BORCS5: variants seen among roughly 807,000 people sequenced by gnomAD.
BORCS5 encodes the protein BLOC-1-related complex subunit 5.
Under a neutral mutation model 22.1 loss-of-function variants are expected in BORCS5, and 17 were observed. That is an observed-to-expected ratio of 0.77 (90% CI 0.53 to 1.15). The LOEUF is 1.15. Ranked by LOEUF, BORCS5 falls within the 50% of genes most tolerant of loss-of-function variation. The pLI, the probability that BORCS5 is intolerant of heterozygous loss-of-function variation, is 0.00. For missense variants in BORCS5, 247 were observed against 253.2 expected, an observed-to-expected ratio of 0.98 and a Z score of 0.17; for synonymous variants, 117 against 99.8, an observed-to-expected ratio of 1.17 and a Z score of -1.03.
intron 2 of BORCS5, among the ~76,000 whole-genome samples, chr12:12,415,596 C>T (rs1268293523): frequency 1.1e-5 from 1 of 92,452 alleles, no homozygotes; most frequent in Non-Finnish European, 2.1e-5. Context: ...TTGTGGTTTT[C>T]TTCCCTTTAG....
At chr12:12,452,734 C>CACA (rs1235612112) in intron 3 of BORCS5, among the ~76,000 whole-genome samples, 1 of 152,218 alleles carries the variant, frequency 6.6e-6, no homozygotes, top group Non-Finnish European at 1.5e-5. Context: ...CCATTGTTGT[C>CACA]CATTGTGCTA....
intron 3 of BORCS5, among the ~76,000 whole-genome samples, chr12:12,436,635 G>C (rs1246270070): frequency 1.1e-5 from 1 of 89,176 alleles, no homozygotes; most frequent in Non-Finnish European, 2.3e-5. Flanking sequence ...TTTAACTCTG[G>C]TGAGAGAAGA....
At chr12:12,422,790 C>T (rs912678246) in intron 2 of BORCS5, among the ~76,000 whole-genome samples, 1 of 151,802 alleles carries the variant, frequency 6.6e-6, no homozygotes, top group Admixed American at 6.6e-5. Context: ...TTTTTTAATG[C>T]AGTAATCTCT....
intron 2 of BORCS5, among the ~76,000 whole-genome samples, chr12:12,411,783 G>A (rs1385340407): frequency 1.3e-5 from 2 of 152,144 alleles, no homozygotes; most frequent in Admixed American, 1.3e-4. Context: ...TTAGGTCATG[G>A]ATTCATTGTT....
Position 12,455,986 on chromosome 12 carries a change from C to T in BORCS5, c.361-9560C>T, listed in dbSNP as rs547771346. 2.6e-5 allele frequency among the ~76,000 whole-genome samples: 4 copies of T among 152,260 alleles called. No individual in the cohort carries two copies. The South Asian group carries it at 8.3e-4, about 32-fold the overall frequency. ...TAAATTTGCTTTTGATCATTTCATG[C>T]ATATCTACATCTTAAGTTTTTAGAA... On this transcript the variant is annotated intron_variant, in intron 3 of 3. Transcript: ENST00000314565.
At chr12:12,396,447 G>A (rs1221945064) in intron 2 of BORCS5, among the ~76,000 whole-genome samples, 2 of 152,196 alleles carry the variant, frequency 1.3e-5, no homozygotes, top group African/African-American at 4.8e-5. Context: ...CGGAGGGTGG[G>A]GTGGGTAGAG....
intron 2 of BORCS5, among the ~76,000 whole-genome samples, chr12:12,398,938 C>T (rs115750796): frequency 0.013 from 2,018 of 152,280 alleles, 37 homozygotes; most frequent in African/African-American, 0.045. Context: ...TGGGGTGCTA[C>T]TGGCATCTTG....
At chr12:12,389,641 C>T (rs1212863372) in intron 2 of BORCS5, among the ~76,000 whole-genome samples, 1 of 151,702 alleles carries the variant, frequency 6.6e-6, no homozygotes, top group African/African-American at 2.4e-5. Context: ...AAATTTATTT[C>T]GTTTTATGTA....
chr12:12,470,511 G>C lies in BORCS5; in HGVS notation c.*4735G>C, dbSNP rs187385268. Among the ~76,000 whole-genome samples, 1 of 152,034 alleles carries C rather than the reference G, an allele frequency of 6.6e-6. No individual in the cohort carries two copies. The highest frequency in any genetic ancestry group is 1.5e-5 in the Non-Finnish European group (1 of 68,014). On this transcript the variant is annotated 3_prime_UTR_variant, in exon 4 of 4. Transcript: ENST00000314565. ...CGCACGTGAAGGATCTAGGTTTTGC[G>C]CTCCTTATGAGAATCTAATGCCTGA...
At chr12:12,406,888 C>T (rs1228176760) in intron 2 of BORCS5, among the ~76,000 whole-genome samples, 1 of 152,096 alleles carries the variant, frequency 6.6e-6, no homozygotes. Context: ...GCCATCCATC[C>T]TGCTTTGTCT....
chr12:12,462,818 G>A (rs937430243), intron 3 of BORCS5, among the ~76,000 whole-genome samples: 11 of 151,968 alleles, frequency 7.2e-5, no homozygotes, highest in African/African-American at 1.9e-4. Context: ...TGCCACGCCC[G>A]GCTAATTTTT....
intron 3 of BORCS5, among the ~76,000 whole-genome samples, chr12:12,457,273 T>C (rs78710806): frequency 0.094 from 14,256 of 152,268 alleles, 837 homozygotes; most frequent in African/African-American, 0.14. Context: ...TGGCTTAAGG[T>C]CATGAAGGTA....
chr12:12,377,048 T>A (rs1863670130), intron 2 of BORCS5, among the ~76,000 whole-genome samples: 1 of 152,158 alleles, frequency 6.6e-6, no homozygotes, highest in Non-Finnish European at 1.5e-5. Flanking sequence ...AAAGGACAAA[T>A]CTTACTACCG....
At chr12:12,453,729 A>G (rs1474230047) in intron 3 of BORCS5, among the ~76,000 whole-genome samples, 1 of 152,200 alleles carries the variant, frequency 6.6e-6, no homozygotes, top group Non-Finnish European at 1.5e-5. Flanking sequence ...TGTGCATTTC[A>G]GTGGTTTTAG....
At chr12:12,368,109 T>A (rs1451485465) in intron 2 of BORCS5, among the ~76,000 whole-genome samples, 1 of 152,160 alleles carries the variant, frequency 6.6e-6, no homozygotes, top group African/African-American at 2.4e-5. Flanking sequence ...CATAACTTCA[T>A]CCATATTTGC....
At chr12:12,414,817 T>C (rs1255405467) in intron 2 of BORCS5, among the ~76,000 whole-genome samples, 4 of 124,346 alleles carry the variant, frequency 3.2e-5, no homozygotes, top group Non-Finnish European at 5.2e-5. Flanking sequence ...GGCAGAGGGT[T>C]TCCTCACTTC....
intron 2 of BORCS5, among the ~76,000 whole-genome samples, chr12:12,373,957 G>A (rs1339902857): frequency 6.6e-6 from 1 of 150,882 alleles, no homozygotes; most frequent in Non-Finnish European, 1.5e-5. Flanking sequence ...GCTACATAGA[G>A]AAGGCAGGGT....
At chr12:12,413,579 C>T (rs1386091307) in intron 2 of BORCS5, among the ~76,000 whole-genome samples, 1 of 143,214 alleles carries the variant, frequency 7.0e-6, no homozygotes, top group Non-Finnish European at 1.5e-5. Context: ...ATGGCCCATC[C>T]CCAATGAGCC....
At chr12:12,413,734 C>T (rs866680273) in intron 2 of BORCS5, among the ~76,000 whole-genome samples, 20 of 82,862 alleles carry the variant, frequency 2.4e-4, no homozygotes, top group African/African-American at 3.2e-4. Context: ...TCCTCCCGGA[C>T]GGGGCGGCTG....
Sources: allele counts gnomAD v4.1 joint callset (sites outside exome capture counted in the v4.1 genomes callset), GRCh38; gene constraint gnomAD v4.1.1; transcripts MANE v1.5; gene names NCBI Gene and HGNC (gene_info 2026-07-23, HGNC 2026-07-21).